The following ROBO1 variants were observed in gnomAD, a reference collection of about 807,000 sequenced individuals.
ROBO1 encodes roundabout homolog 1.
ROBO1 carries 149 observed loss-of-function variants against 195.9 expected under a neutral mutation model. The ratio of observed to expected loss-of-function variants is 0.76; its 90% confidence interval spans 0.67 to 0.87. The LOEUF is 0.87. Ranked by LOEUF, ROBO1 falls within the 40% of genes least tolerant of loss-of-function variation. The pLI, the probability that ROBO1 is intolerant of heterozygous loss-of-function variation, is 0.00. For missense variants in ROBO1, 1,933 were observed against 2,068.3 expected (o/e 0.93, Z 1.27); for synonymous variants, 816 against 733.2 (o/e 1.11, Z -1.82).
At chr3:78,905,874 G>A (rs1391855612) in intron 4 of ROBO1, among the ~76,000 whole-genome samples, 2 of 152,068 alleles carry the variant, frequency 1.3e-5, no homozygotes, top group African/African-American at 4.8e-5. Context: ...CAATCATTAA[G>A]TGGCGGGGGC....
intron 3 of ROBO1, among the ~76,000 whole-genome samples, chr3:79,121,193 A>G (rs1307533795): frequency 6.6e-6 from 1 of 152,148 alleles, no homozygotes; most frequent in Non-Finnish European, 1.5e-5. Flanking sequence ...GCGTGTAGTA[A>G]TAATGAACAC....
rs80267939 is a variant in ROBO1 at position 78,685,855 on chromosome 3, G to A, written c.1233C>T (p.Gly411=). 3.1e-4 allele frequency: 500 copies of A among 1,608,828 alleles called. No homozygotes were observed. The African/African-American group carries it at 4.2e-3, about 14-fold the overall frequency. ...SSSRFSVSQT[G]DLTITNVQRS... ...GCTGGACATTAGTAATTGTGAGGTC[G>A]CCAGTCTGGGAGACTGAAAATCGGC... is the stretch of plus-strand genomic sequence containing the variant. Residue 411 remains glycine, a synonymous_variant, in exon 10 of 31, where the codon GGC becomes GGT. Coordinates refer to ENST00000464233, the MANE Select transcript of ROBO1 (RefSeq NM_002941.4).
chr3:79,571,553 A>C (rs1943279615), intron 2 of ROBO1, among the ~76,000 whole-genome samples: 1 of 152,088 alleles, frequency 6.6e-6, no homozygotes. Context: ...TTATCTAAAA[A>C]CATGAAAATA....
At chr3:79,049,464 A>C (rs1054631730) in intron 3 of ROBO1, among the ~76,000 whole-genome samples, 2 of 152,326 alleles carry the variant, frequency 1.3e-5, no homozygotes, top group African/African-American at 4.8e-5. Context: ...ACCAAGTTAG[A>C]AAACGCTCCT....
Position 78,661,040 on chromosome 3 carries a change from G to C in ROBO1, c.2310C>G (p.Thr770=), listed in dbSNP as rs2107666741. ...CTTCATCATACTTGCCTTCTTCCAG[G>C]GTTTTGGCAAACTTGATTTCACTAT... The part of the protein sequence containing the change: ...GADSEIKFAK[T]LEEAPSAPPQ... The change falls in exon 16 of 31, where the codon ACC becomes ACG. Residue 770 remains threonine, a synonymous_variant. Coordinates refer to ENST00000464233, the MANE Select transcript of ROBO1 (RefSeq NM_002941.4). 1.2e-6 allele frequency: 2 copies of C among 1,610,280 alleles called. No homozygotes were observed. Among genetic ancestry groups the C allele is most frequent in the East Asian group, 2.2e-5 (1 of 44,808 alleles).
In ROBO1 at chr3:78,971,956, G is replaced by A. The variant is rs62257524; in HGVS notation, c.173-33029C>T. 7.0e-3 allele frequency among the ~76,000 whole-genome samples: 1,062 copies of A among 152,178 alleles called. 9 individuals carry two copies. The highest frequency in any genetic ancestry group is 0.012 in the Non-Finnish European group (827 of 67,998). On this transcript the variant is annotated intron_variant, in intron 3 of 30. Coordinates refer to ENST00000464233, the MANE Select transcript of ROBO1 (RefSeq NM_002941.4). ...AATATTTTTGTATTTTTAGTAGAGA[G>A]GTGGTTTCACTATGTTGGCCAGGCT... is the stretch of plus-strand genomic sequence containing the variant.
At chr3:78,970,577 G>A (rs1461471184) in intron 3 of ROBO1, among the ~76,000 whole-genome samples, 1 of 152,074 alleles carries the variant, frequency 6.6e-6, no homozygotes, top group Non-Finnish European at 1.5e-5. Flanking sequence ...AGGTTAAGAA[G>A]TTCTGAATTC....
intron 1 of ROBO1, among the ~76,000 whole-genome samples, chr3:79,592,659 C>CTGCCCT (rs1944040203): frequency 1.3e-5 from 2 of 152,028 alleles, no homozygotes; most frequent in Admixed American, 1.3e-4. Flanking sequence ...ATTCCACTCC[C>CTGCCCT]TGCCCTTGCA....
At chr3:79,502,142 C>T (rs1044138058) in intron 2 of ROBO1, among the ~76,000 whole-genome samples, 25 of 152,216 alleles carry the variant, frequency 1.6e-4, no homozygotes, top group Non-Finnish European at 2.9e-4. Flanking sequence ...TCGGCCTTGG[C>T]GCCCACTCTG....
intron 8 of ROBO1, 46 bp downstream of exon 8, chr3:78,714,351 T>C (rs571512517): frequency 1.3e-6 from 2 of 1,586,398 alleles, no homozygotes; most frequent in Non-Finnish European, 1.7e-6. Context: ...CAGCACTATA[T>C]TTTGTATGCT....
chr3:79,704,855 G>A (rs1422310814), intron 1 of ROBO1, among the ~76,000 whole-genome samples: 1 of 151,880 alleles, frequency 6.6e-6, no homozygotes, highest in Non-Finnish European at 1.5e-5. Flanking sequence ...ATTTTGTATT[G>A]CCAGTGTTCT....
intron 25 of ROBO1, among the ~76,000 whole-genome samples, chr3:78,628,286 A>G (rs1454797385): frequency 6.6e-6 from 1 of 152,326 alleles, no homozygotes; most frequent in Middle Eastern, 3.4e-3. Flanking sequence ...CTTTGCAGAG[A>G]AAGATATAAT....
At chr3:79,445,387 A>G (rs543518128) in intron 2 of ROBO1, among the ~76,000 whole-genome samples, 2 of 151,810 alleles carry the variant, frequency 1.3e-5, no homozygotes, top group Non-Finnish European at 2.9e-5. Context: ...GATCAGGTTT[A>G]TCATTAGAAT....
intron 18 of ROBO1, 43 bp from the exon 19 acceptor site, chr3:78,651,972 G>T: frequency 4.1e-6 from 6 of 1,464,250 alleles, no homozygotes; most frequent in Non-Finnish European, 4.7e-6. Flanking sequence ...AAGACTCAAT[G>T]CAATAATGCA....
intron 2 of ROBO1, among the ~76,000 whole-genome samples, chr3:79,354,356 C>T (rs1361602540): frequency 6.6e-6 from 1 of 152,168 alleles, no homozygotes; most frequent in African/African-American, 2.4e-5. Flanking sequence ...TTGCTTCCAT[C>T]ATCTTATCTC....
At chr3:79,193,376 T>C (rs997661136) in intron 2 of ROBO1, among the ~76,000 whole-genome samples, 15 of 151,524 alleles carry the variant, frequency 9.9e-5, no homozygotes, top group Non-Finnish European at 2.2e-4. Flanking sequence ...ATGGTCAAAA[T>C]GACCTCATGA....
intron 22 of ROBO1, among the ~76,000 whole-genome samples, chr3:78,637,456 A>C (rs901680778): frequency 1.3e-5 from 2 of 152,198 alleles, no homozygotes; most frequent in African/African-American, 4.8e-5. Context: ...GATATTGGAC[A>C]TGGTCTACTC....
At chr3:79,282,591 A>T (rs1367867713) in intron 2 of ROBO1, among the ~76,000 whole-genome samples, 1 of 152,242 alleles carries the variant, frequency 6.6e-6, no homozygotes, top group Admixed American at 6.5e-5. Context: ...AAGGGAGAAC[A>T]AGAAGTCTAA....
At chr3:79,187,131 C>T (rs1305336542) in intron 2 of ROBO1, among the ~76,000 whole-genome samples, 2 of 152,018 alleles carry the variant, frequency 1.3e-5, no homozygotes, top group African/African-American at 2.4e-5. Context: ...CTTTTTAAAA[C>T]TTCCATTAAA....
Sources: allele counts gnomAD v4.1 joint callset (sites outside exome capture counted in the v4.1 genomes callset), GRCh38; gene constraint gnomAD v4.1.1; transcripts MANE v1.5; gene names NCBI Gene and HGNC (gene_info 2026-07-23, HGNC 2026-07-21).